CNTNAP2: variants seen among roughly 807,000 people sequenced by gnomAD.
CNTNAP2 encodes contactin-associated protein-like 2.
Under a neutral mutation model 155.2 loss-of-function variants are expected in CNTNAP2, and 98 were observed. The ratio of observed to expected loss-of-function variants is 0.63; its 90% CI spans 0.54 to 0.75. The LOEUF (loss-of-function observed/expected upper bound fraction) is 0.75. CNTNAP2 is among the 30% of genes least tolerant of loss of function. CNTNAP2 has a pLI of 0.00. For missense variants in CNTNAP2, 1,727 were observed against 1,688.1 expected (o/e 1.02, Z -0.40); for synonymous variants, 651 against 631.2 (o/e 1.03, Z -0.47).
At chr7:146,225,363 T>G (rs1445545174) in intron 1 of CNTNAP2, among the ~76,000 whole-genome samples, 1 of 152,202 alleles carries the variant, frequency 6.6e-6, no homozygotes, top group Non-Finnish European at 1.5e-5. Context: ...TTTTTTAAAC[T>G]GACAGGTGAA....
chr7:148,084,905 T>G (rs189361265), intron 15 of CNTNAP2, among the ~76,000 whole-genome samples: 17 of 152,354 alleles, frequency 1.1e-4, no homozygotes, highest in African/African-American at 4.1e-4. Flanking sequence ...AGTCCTGATG[T>G]TAAACACTCC....
chr7:147,104,393 A>G (rs1399752713), intron 4 of CNTNAP2, among the ~76,000 whole-genome samples: 2 of 151,974 alleles, frequency 1.3e-5, no homozygotes. Flanking sequence ...AACTATATAC[A>G]GTATTATCCA....
intron 12 of CNTNAP2, among the ~76,000 whole-genome samples, chr7:147,638,341 A>C (rs1358603813): frequency 6.6e-6 from 1 of 152,232 alleles, no homozygotes; most frequent in Admixed American, 6.5e-5. Context: ...GCACGAGGTC[A>C]GTCCTTGTGT....
chr7:146,721,336 A>T (rs1394736687), intron 1 of CNTNAP2, among the ~76,000 whole-genome samples: 1 of 131,208 alleles, frequency 7.6e-6, no homozygotes, highest in Non-Finnish European at 1.5e-5. Context: ...TACATTCTAT[A>T]TACATTCTAT....
Position 148,118,993 on chromosome 7 carries a change from G to T in CNTNAP2, c.2554+705G>T, listed in dbSNP as rs564244314. ...GTTAGCTGCACAAGACTTGAGAAGC[G>T]CAATGCTTGCCCTACCTGGACCCTT... On this transcript the variant is annotated intron_variant, in intron 16 of 23. Coordinates refer to ENST00000361727, the MANE Select transcript of CNTNAP2 (RefSeq NM_014141.6). 5.3e-5 allele frequency among the ~76,000 whole-genome samples: 8 copies of T among 152,294 alleles called. No individual in the cohort carries two copies. In the East Asian group the frequency reaches 1.5e-3, roughly 29 times the overall value.
At chr7:147,058,112 T>C (rs1472827035) in intron 4 of CNTNAP2, among the ~76,000 whole-genome samples, 1 of 152,212 alleles carries the variant, frequency 6.6e-6, no homozygotes, top group Non-Finnish European at 1.5e-5. Context: ...ACTTTTTATT[T>C]TGCCATTAAG....
chr7:146,562,519 A>G (rs887131428), intron 1 of CNTNAP2, among the ~76,000 whole-genome samples: 1 of 152,190 alleles, frequency 6.6e-6, no homozygotes, highest in Non-Finnish European at 1.5e-5. Context: ...AATACATAAT[A>G]AATGCTAAAA....
intron 21 of CNTNAP2, among the ~76,000 whole-genome samples, chr7:148,283,737 A>G (rs1797030860): frequency 6.6e-6 from 1 of 152,146 alleles, no homozygotes; most frequent in Non-Finnish European, 1.5e-5. Context: ...TATTGCTCCT[A>G]AGCACAAGAC....
intron 1 of CNTNAP2, among the ~76,000 whole-genome samples, chr7:146,663,937 T>TTAG (rs1800140250): frequency 6.6e-6 from 1 of 152,164 alleles, no homozygotes; most frequent in Non-Finnish European, 1.5e-5. Context: ...CTCCCTGCTT[T>TTAG]CTTCCCAGTC....
At chr7:147,456,743 G>A (rs898621370) in intron 10 of CNTNAP2, among the ~76,000 whole-genome samples, 5 of 152,150 alleles carry the variant, frequency 3.3e-5, no homozygotes, top group Non-Finnish European at 1.5e-5. Flanking sequence ...ATCAGGATGC[G>A]ATGAGAACCT....
rs777946931 is a variant in CNTNAP2 at position 148,415,509 on chromosome 7, G to A, written c.3889G>A (p.Glu1297Lys). ...CCACAAGGGCACCTACCATACCAAC[G>A]AAGCAAAGGGGGCGGAGTCGGCAGA... ...FRHKGTYHTN[E>K]AKGAESAESA... The change falls in exon 24 of 24, where the codon GAA becomes AAA. Residue 1297 changes from glutamate (E) to lysine (K), a missense_variant. By Grantham distance (56) the Glu-to-Lys change is moderately conservative. Transcript: ENST00000361727. The A allele has an allele frequency of 7.4e-6, 12 of 1,614,076 alleles. No homozygotes were observed. In the South Asian group the frequency reaches 7.7e-5, roughly 10 times the overall value.
rs139305824 is a variant in CNTNAP2 at position 146,687,581 on chromosome 7, G to A, written c.98-86690G>A. Among the ~76,000 whole-genome samples, 669 of 106,056 alleles carry A rather than the reference G, an allele frequency of 6.3e-3. 2 individuals carry two copies. The highest frequency in any genetic ancestry group is 0.032 in the Middle Eastern group (7 of 222). The allele number at this position is 106,056 out of a possible 152,430, so 69.6% of individuals were successfully genotyped here. On this transcript the variant is annotated intron_variant, in intron 1 of 23. Transcript: ENST00000361727. The stretch of plus-strand genomic sequence containing the variant: ...ATAGATGAATTTTTAATACATGGAT[G>A]TGGATTTGTGATATTTTTAGGCTTT...
At chr7:146,117,092 C>G in intron 1 of CNTNAP2, 119 bp downstream of exon 1, 1 of 840,116 alleles carries the variant, frequency 1.2e-6, no homozygotes, top group Non-Finnish European at 2.0e-6. Flanking sequence ...GTTTGTGTCT[C>G]CGCTGTCACA....
At chr7:146,499,311 T>C (rs1797265814) in intron 1 of CNTNAP2, among the ~76,000 whole-genome samples, 1 of 152,112 alleles carries the variant, frequency 6.6e-6, no homozygotes, top group Non-Finnish European at 1.5e-5. Context: ...GCCTCCTGAG[T>C]AGCTGGGATA....
intron 14 of CNTNAP2, among the ~76,000 whole-genome samples, chr7:147,971,448 C>T (rs576448201): frequency 3.3e-5 from 5 of 151,718 alleles, no homozygotes; most frequent in East Asian, 1.9e-4. Flanking sequence ...ATACGATTCC[C>T]GGTTACCATG....
chr7:147,406,277 T>TAAAAGAGTAAAA (rs1797004253), intron 10 of CNTNAP2, among the ~76,000 whole-genome samples: 1 of 152,208 alleles, frequency 6.6e-6, no homozygotes, highest in Non-Finnish European at 1.5e-5. Flanking sequence ...AAGACTCTTT[T>TAAAAGAGTAAAA]ACTTTCATTA....
chr7:147,915,544 A>G (rs1271752327), intron 14 of CNTNAP2, among the ~76,000 whole-genome samples: 2 of 152,092 alleles, frequency 1.3e-5, no homozygotes, highest in Non-Finnish European at 2.9e-5. Context: ...ATGTGTGTGC[A>G]TGTGCTTGTC....
chr7:146,993,793 T>C (rs1268222672), intron 3 of CNTNAP2, among the ~76,000 whole-genome samples: 2 of 152,178 alleles, frequency 1.3e-5, no homozygotes, highest in Non-Finnish European at 2.9e-5. Flanking sequence ...TCGTGCTACA[T>C]ATGACTATTT....
chr7:146,936,857 A>T (rs1429728643), intron 3 of CNTNAP2, among the ~76,000 whole-genome samples: 1 of 152,130 alleles, frequency 6.6e-6, no homozygotes, highest in Non-Finnish European at 1.5e-5. Context: ...TTCTTCCACC[A>T]TGTGGCTGTA....
Sources: gnomAD v4.1 joint callset for allele counts (sites outside exome capture counted in the v4.1 genomes callset) on GRCh38, gnomAD v4.1.1 for gene constraint, MANE v1.5 for transcripts, NCBI Gene and HGNC (gene_info 2026-07-23, HGNC 2026-07-21) for gene names.